Variants in UBE4B observed in about 807,000 individuals in gnomAD.
UBE4B encodes the protein ubiquitination factor E4B.
A neutral mutation model predicts 148.1 loss-of-function variants in UBE4B; 27 were observed. The observed-to-expected ratio is 0.18, with a 90% CI of 0.13 to 0.25. UBE4B has a LOEUF of 0.25. Ranked by LOEUF, UBE4B falls within the 10% of genes least tolerant of loss-of-function variation. The pLI is 1.00. For synonymous variants in UBE4B, 596 were observed against 619.3 expected, an observed-to-expected ratio of 0.96 and a Z score of 0.56; for missense variants, 1,170 against 1,662.4, an observed-to-expected ratio of 0.70 and a Z score of 5.15.
chr1:10,141,380 G>A (rs1202339630), intron 17 of UBE4B, among the ~76,000 whole-genome samples: 3 of 152,068 alleles, frequency 2.0e-5, no homozygotes, highest in South Asian at 4.1e-4. Flanking sequence ...AGCAGAGGTT[G>A]GAGTGGTTTG....
At chr1:10,101,658 G>A (rs941340683) in intron 4 of UBE4B, among the ~76,000 whole-genome samples, 6 of 151,720 alleles carry the variant, frequency 4.0e-5, no homozygotes, top group East Asian at 3.9e-4. Context: ...ACAGGCGCCC[G>A]CCACCACGCC....
chr1:10,101,566 T>C (rs532157442), intron 4 of UBE4B, among the ~76,000 whole-genome samples: 6 of 132,580 alleles, frequency 4.5e-5, no homozygotes, highest in Non-Finnish European at 9.2e-5. Context: ...TGGAGTGCAG[T>C]GGTGCGATCT....
intron 7 of UBE4B, among the ~76,000 whole-genome samples, chr1:10,117,206 G>T (rs1379324810): frequency 6.6e-6 from 1 of 152,150 alleles, no homozygotes; most frequent in Non-Finnish European, 1.5e-5. Flanking sequence ...CCAGTTCTTA[G>T]TGCTTCTGGT....
intron 21 of UBE4B, among the ~76,000 whole-genome samples, chr1:10,153,129 C>G (rs1386771960): frequency 1.3e-5 from 2 of 151,900 alleles, no homozygotes; most frequent in African/African-American, 2.4e-5. Flanking sequence ...CTGCAGCACC[C>G]CCTATTGGCA....
intron 26 of UBE4B, 198 bp downstream of exon 26, chr1:10,179,016 T>C (rs1409439736): frequency 3.4e-6 from 2 of 580,816 alleles, no homozygotes; most frequent in Admixed American, 7.6e-5. Flanking sequence ...TAGCTTAGCC[T>C]GACTTAAAGC....
chr1:10,042,065 T>C (rs1213919761), intron 1 of UBE4B, among the ~76,000 whole-genome samples: 1 of 152,120 alleles, frequency 6.6e-6, no homozygotes, highest in African/African-American at 2.4e-5. Context: ...CCCTCGAGTA[T>C]CTGGGATTAC....
At chr1:10,179,873 C>G in intron 27 of UBE4B, 22 bp from the exon 28 acceptor site, 1 of 1,613,112 alleles carries the variant, frequency 6.2e-7, no homozygotes, top group South Asian at 1.1e-5. Flanking sequence ...GGGCATTAAT[C>G]CTCCTTTTTT....
At position 10,034,421 on chromosome 1, in the gene UBE4B, A is replaced by T. The variant is rs144941878; in HGVS notation, c.24+727A>T. ...CTCTCCTGTTCTCATTTCTTAAAGG[A>T]GTTATACAGATCTACTTCTTGATGT... On this transcript the variant is annotated intron_variant, in intron 1 of 27. Transcript: ENST00000343090. 2.6e-5 allele frequency among the ~76,000 whole-genome samples: 4 copies of T among 152,186 alleles called. No homozygotes were observed. In the East Asian group the frequency reaches 7.7e-4, roughly 29 times the overall value.
chr1:10,039,979 T>C (rs1643693083), intron 1 of UBE4B, among the ~76,000 whole-genome samples: 2 of 151,914 alleles, frequency 1.3e-5, no homozygotes, highest in Admixed American at 6.6e-5. Flanking sequence ...TAACCCAGTT[T>C]TGATGATCAG....
chr1:10,155,550 G>A (rs1342420544), intron 21 of UBE4B, among the ~76,000 whole-genome samples: 1 of 152,130 alleles, frequency 6.6e-6, no homozygotes, highest in Non-Finnish European at 1.5e-5. Flanking sequence ...TACCCCTGAG[G>A]GAGGCATCAC....
At chr1:10,142,746 G>A (rs1645803421) in intron 17 of UBE4B, among the ~76,000 whole-genome samples, 1 of 152,040 alleles carries the variant, frequency 6.6e-6, no homozygotes, top group Admixed American at 6.6e-5. Context: ...TCTTCTGAAA[G>A]CTGCCTACGT....
At chr1:10,086,222 C>T (rs934193549) in intron 2 of UBE4B, among the ~76,000 whole-genome samples, 6 of 152,108 alleles carry the variant, frequency 3.9e-5, no homozygotes, top group South Asian at 2.1e-4. Flanking sequence ...CTATCTGCCT[C>T]GGCCTCCCAA....
intron 1 of UBE4B, among the ~76,000 whole-genome samples, chr1:10,057,420 CTTT>C (rs1359827824): frequency 4.5e-5 from 6 of 132,904 alleles, no homozygotes; most frequent in African/African-American, 5.5e-5. Context: ...AGTCTTTTCT[CTTT>C]TTTTTTTTTT....
At chr1:10,159,011 A>G (rs999645480) in intron 22 of UBE4B, among the ~76,000 whole-genome samples, 10 of 141,958 alleles carry the variant, frequency 7.0e-5, no homozygotes, top group Non-Finnish European at 1.1e-4. Context: ...CTCCGTCTCA[A>G]AAAAAAAAAA....
At chr1:10,123,784 G>GT (rs969665133) in intron 10 of UBE4B, among the ~76,000 whole-genome samples, 4 of 151,976 alleles carry the variant, frequency 2.6e-5, no homozygotes, top group Non-Finnish European at 4.4e-5. Context: ...GTTTTGTTTT[G>GT]TTTTTTGAGA....
At chr1:10,115,116 TC>T (rs1281261128) in intron 7 of UBE4B, among the ~76,000 whole-genome samples, 1 of 152,096 alleles carries the variant, frequency 6.6e-6, no homozygotes, top group Non-Finnish European at 1.5e-5. Context: ...GCCTTGAATT[TC>T]AAAGTAGCAT....
At chr1:10,055,287 T>C (rs1017060492) in intron 1 of UBE4B, among the ~76,000 whole-genome samples, 3 of 152,048 alleles carry the variant, frequency 2.0e-5, no homozygotes, top group Non-Finnish European at 4.4e-5. Context: ...TCTTTTCTTT[T>C]CTTTTCTTTT....
At chr1:10,097,607 C>T (rs1472885334) in intron 3 of UBE4B, among the ~76,000 whole-genome samples, 1 of 152,092 alleles carries the variant, frequency 6.6e-6, no homozygotes, top group African/African-American at 2.4e-5. Context: ...GTCAGGAGTT[C>T]GAGACCAGCC....
intron 22 of UBE4B, among the ~76,000 whole-genome samples, chr1:10,159,578 A>C (rs893878278): frequency 6.6e-5 from 10 of 152,246 alleles, no homozygotes; most frequent in African/African-American, 2.2e-4. Context: ...CCAGCTACTC[A>C]GGAGGCTGAG....
Sources: allele counts gnomAD v4.1 joint callset (sites outside exome capture counted in the v4.1 genomes callset), GRCh38; gene constraint gnomAD v4.1.1; transcripts MANE v1.5; gene names NCBI Gene and HGNC (gene_info 2026-07-23, HGNC 2026-07-21).